ENAH: variants seen among roughly 807,000 people sequenced by gnomAD.
ENAH encodes the protein ENAH actin regulator, also known as protein enabled homolog.
ENAH carries 23 observed loss-of-function variants against 78.7 expected under a neutral mutation model. The ratio of observed to expected loss-of-function variants is 0.29; its 90% CI spans 0.21 to 0.41. The LOEUF is 0.41. Ranked by LOEUF, ENAH falls within the 10% of genes least tolerant of loss-of-function variation. ENAH has a pLI of 1.00. For missense variants in ENAH, 544 were observed against 691.0 expected (o/e 0.79, Z 2.39); for synonymous variants, 226 against 241.0 (o/e 0.94, Z 0.58).
chr1:225,524,775 T>TA, intron 4 of ENAH: 3 of 518,616 alleles, frequency 5.8e-6, no homozygotes, highest in Non-Finnish European at 7.4e-6. Context: ...ATATTAACTA[T>TA]ATTAAGGTTC....
chr1:225,507,350 T>C (rs1371661081), intron 11 of ENAH, among the ~76,000 whole-genome samples: 1 of 152,030 alleles, frequency 6.6e-6, no homozygotes, highest in Non-Finnish European at 1.5e-5. Context: ...TACATAAATA[T>C]ATATACATAA....
intron 2 of ENAH, among the ~76,000 whole-genome samples, chr1:225,564,249 G>A (rs1018548544): frequency 1.3e-5 from 2 of 151,762 alleles, no homozygotes; most frequent in African/African-American, 4.8e-5. Flanking sequence ...CGAGTAGCTG[G>A]GACTACAGGC....
chr1:225,552,384 C>T (rs373619747), intron 3 of ENAH, among the ~76,000 whole-genome samples: 4 of 151,930 alleles, frequency 2.6e-5, no homozygotes, highest in Non-Finnish European at 4.4e-5. Context: ...GTGATCCACC[C>T]GCCTCAGCCT....
At chr1:225,599,688 CG>C (rs2096920366) in intron 1 of ENAH, among the ~76,000 whole-genome samples, 1 of 150,460 alleles carries the variant, frequency 6.6e-6, no homozygotes, top group Non-Finnish European at 1.5e-5. Context: ...CCCAGCTACT[CG>C]GAAGACTGAG....
chr1:225,620,196 T>C (rs1656549652), intron 1 of ENAH, among the ~76,000 whole-genome samples: 1 of 151,854 alleles, frequency 6.6e-6, no homozygotes, highest in Non-Finnish European at 1.5e-5. Flanking sequence ...CTGAATGCTT[T>C]TCAATGTGAC....
chr1:225,519,675 G>C, intron 4 of ENAH, 110 bp from the exon 5 acceptor site: 3 of 1,468,638 alleles, frequency 2.0e-6, no homozygotes, highest in South Asian at 2.7e-5. Flanking sequence ...AAGCAATGTA[G>C]AGCATGCAAA....
intron 1 of ENAH, among the ~76,000 whole-genome samples, chr1:225,602,248 C>T (rs1269943346): frequency 2.6e-5 from 4 of 152,030 alleles, no homozygotes; most frequent in Non-Finnish European, 5.9e-5. Context: ...CAAAGTAAAA[C>T]AAAACGAACT....
Position 225,652,933 on chromosome 1 carries a change from C to G in ENAH, c.-243G>C. On this transcript the variant is annotated 5_prime_UTR_variant, in exon 1 of 14. Coordinates refer to ENST00000366843, the MANE Select transcript of ENAH (RefSeq NM_018212.6). ...GGGGCGGAGAGGCCGAGGCGCGGAG[C>G]TGGTCCCCAGGCGGCCGCCGCCTCC... is the stretch of plus-strand genomic sequence containing the variant. 2.6e-6 allele frequency: 1 copy of G among 386,310 alleles called. No individual in the cohort carries two copies. The highest frequency in any genetic ancestry group is 4.6e-6 in the Non-Finnish European group (1 of 218,744). The allele number at this position is 386,310 out of a possible 1,614,324, so 23.9% of individuals were successfully genotyped here. A position where few individuals can be genotyped will look rare whatever the true frequency, so the allele number is the denominator to read the frequency against.
chr1:225,610,842 G>A (rs767169683), intron 1 of ENAH, among the ~76,000 whole-genome samples: 2 of 152,074 alleles, frequency 1.3e-5, no homozygotes, highest in African/African-American at 4.8e-5. Flanking sequence ...GAATATTCAC[G>A]ACATTATAAG....
chr1:225,567,684 CTAAATT>C (rs1422077416), intron 1 of ENAH, among the ~76,000 whole-genome samples: 1 of 152,148 alleles, frequency 6.6e-6, no homozygotes, highest in East Asian at 1.9e-4. Context: ...ATGGTTTCTT[CTAAATT>C]TGAGTATCTA....
intron 2 of ENAH, among the ~76,000 whole-genome samples, chr1:225,558,331 C>T (rs1342477570): frequency 6.6e-6 from 1 of 152,118 alleles, no homozygotes; most frequent in East Asian, 1.9e-4. Context: ...GAAAAGAACA[C>T]CACCAGTAGA....
intron 1 of ENAH, among the ~76,000 whole-genome samples, chr1:225,632,787 G>A (rs1238899486): frequency 1.3e-5 from 2 of 152,200 alleles, no homozygotes; most frequent in African/African-American, 4.8e-5. Flanking sequence ...GCCCCCCAGG[G>A]CTCACAAACT....
Position 225,576,834 on chromosome 1 carries a change from G to C in ENAH, c.6-9420C>G, listed in dbSNP as rs997678922. Among the ~76,000 whole-genome samples, 11 of 152,286 alleles carry C rather than the reference G, an allele frequency of 7.2e-5. No homozygotes were observed. In the East Asian group the frequency reaches 2.1e-3, roughly 29 times the overall value. On this transcript the variant is annotated intron_variant, in intron 1 of 13. Coordinates refer to ENST00000366843, the MANE Select transcript of ENAH (RefSeq NM_018212.6). ...CATCAAGCTCAGACTTTTCAGAGCTGTGAGAAAGTAAATTTCTGGGCCAGG... is the reference window on the plus strand; with the variant it reads ...CATCAAGCTCAGACTTTTCAGAGCTCTGAGAAAGTAAATTTCTGGGCCAGG...
At chr1:225,520,927 AGGGAGGGAGGGAGGG>A (rs2096462467) in intron 4 of ENAH, among the ~76,000 whole-genome samples, 1 of 368 alleles carries the variant, frequency 2.7e-3, no homozygotes. Context: ...GGAGGAAGGG[AGGGAGGGAGGGAGGG>A]AGGGAGGGAG....
At chr1:225,525,560 C>T (rs2096497037) in intron 4 of ENAH, among the ~76,000 whole-genome samples, 1 of 152,190 alleles carries the variant, frequency 6.6e-6, no homozygotes, top group Non-Finnish European at 1.5e-5. Flanking sequence ...CCTCCCAGCG[C>T]CCCCAACCGG....
intron 1 of ENAH, among the ~76,000 whole-genome samples, chr1:225,606,385 G>A (rs939275189): frequency 3.3e-5 from 5 of 151,608 alleles, no homozygotes; most frequent in Non-Finnish European, 7.4e-5. Flanking sequence ...CTTGAACCCA[G>A]GAGGCAGAGG....
intron 1 of ENAH, among the ~76,000 whole-genome samples, chr1:225,649,455 G>A (rs1662565892): frequency 1.3e-5 from 2 of 150,710 alleles, no homozygotes; most frequent in African/African-American, 2.4e-5. Context: ...GCACTTAAAA[G>A]GCACACACTG....
intron 1 of ENAH, among the ~76,000 whole-genome samples, chr1:225,569,329 T>G (rs937714988): frequency 2.0e-5 from 3 of 152,088 alleles, no homozygotes; most frequent in Non-Finnish European, 4.4e-5. Flanking sequence ...TCTTGGGGTG[T>G]GGGGAGCTGG....
intron 1 of ENAH, among the ~76,000 whole-genome samples, chr1:225,583,011 T>C (rs1398125971): frequency 6.6e-6 from 1 of 152,186 alleles, no homozygotes; most frequent in Non-Finnish European, 1.5e-5. Context: ...ATCTTCATAT[T>C]GTACTGCAGA....
Sources: gnomAD v4.1 joint callset for allele counts (sites outside exome capture counted in the v4.1 genomes callset) on GRCh38, gnomAD v4.1.1 for gene constraint, MANE v1.5 for transcripts, NCBI Gene and HGNC (gene_info 2026-07-23, HGNC 2026-07-21) for gene names.